Variants in PHYH observed in about 807,000 individuals in gnomAD.
PHYH encodes the protein phytanoyl-CoA 2-hydroxylase.
PHYH carries 32 observed loss-of-function variants against 38.5 expected under a neutral mutation model. The ratio of observed to expected loss-of-function variants is 0.83; its 90% CI spans 0.63 to 1.12. The LOEUF is 1.12. PHYH is among the 50% of genes most tolerant of loss of function. The probability of loss-of-function intolerance (pLI) is 0.00; values close to 1 mark genes in which losing one functional copy is unlikely to be tolerated. For missense variants in PHYH, 426 were observed against 434.8 expected, an observed-to-expected ratio of 0.98 and a Z score of 0.18; for synonymous variants, 166 against 157.9, an observed-to-expected ratio of 1.05 and a Z score of -0.38.
At chr10:13,294,372 C>T (rs1835785634) in intron 4 of PHYH, 56 bp downstream of exon 4, 2 of 1,552,736 alleles carry the variant, frequency 1.3e-6, no homozygotes, top group East Asian at 2.2e-5. Context: ...GCGGGTTTTA[C>T]AGGCAGACAT....
At position 13,297,885 on chromosome 10, in the gene PHYH, A is replaced by G. The variant is rs141902085; in HGVS notation, c.134+302T>C. The stretch of plus-strand genomic sequence containing the variant: ...CAAGGCAGGAGGATTGCTTTAGCCC[A>G]GGAGTTCAACACCAGCCTGGGCAAC... On this transcript the variant is annotated intron_variant, in intron 2 of 8. Coordinates refer to ENST00000263038, the MANE Select transcript of PHYH (RefSeq NM_006214.4). 0.057 allele frequency among the ~76,000 whole-genome samples: 8,622 copies of G among 151,898 alleles called. 460 individuals carry two copies. Among genetic ancestry groups the G allele is most frequent in the African/African-American group, 0.15 (6,217 of 41,446 alleles).
intron 4 of PHYH, 30 bp from the exon 5 acceptor site, chr10:13,291,942 A>T (rs1835723117): frequency 6.8e-7 from 1 of 1,480,040 alleles, no homozygotes; most frequent in African/African-American, 1.4e-5. Context: ...ACAAAAACAA[A>T]CCTTGTGGGA....
Position 13,295,934 on chromosome 10 carries a change from G to A in PHYH, c.135-328C>T, listed in dbSNP as rs140260591. 1.8e-3 allele frequency among the ~76,000 whole-genome samples: 272 copies of A among 152,264 alleles called. 1 individual carries two copies. In the East Asian group the frequency reaches 0.046, roughly 26 times the overall value. On this transcript the variant is annotated intron_variant, in intron 2 of 8. Coordinates refer to ENST00000263038, the MANE Select transcript of PHYH (RefSeq NM_006214.4). ...TATAATCCCAGCACTTTGGGAGGCC[G>A]AGGCAGGTGGATCGCCTGAGGTCAG...
At position 13,288,456 on chromosome 10, in the gene PHYH, C is replaced by G. The variant is rs753305530; in HGVS notation, c.582G>C (p.Thr194=). 2 of 1,614,188 alleles carry G rather than the reference C, an allele frequency of 1.2e-6. No homozygotes were observed. The highest frequency in any genetic ancestry group is 2.2e-5 in the South Asian group (2 of 91,080). The change falls in exon 6 of 9, where the codon ACG becomes ACC. Residue 194 remains threonine, a synonymous_variant. Transcript: ENST00000263038. The part of the protein sequence containing the change: ...RPSDLIVCAW[T]AMEHISRNNG... ...TGTTCCGGCTGATGTGCTCCATCGC[C>G]GTCCAGGCGCAAACGATGAGATCGC...
Position 13,281,117 on chromosome 10 carries a change from A to G in PHYH, c.829-7T>C. On this transcript the variant is annotated splice_polypyrimidine_tract_variant and splice_region_variant and intron_variant, in intron 7 of 8. Coordinates refer to ENST00000263038, the MANE Select transcript of PHYH (RefSeq NM_006214.4). ...CGAAATGGCAGGAAATTGCCTGTGC[A>G]AAGTGAACAAATTGATATTGGAGAA... The G allele has an allele frequency of 3.1e-6, 5 of 1,614,180 alleles. No homozygotes were observed. The highest frequency in any genetic ancestry group is 4.2e-6 in the Non-Finnish European group (5 of 1,179,996).
In PHYH at chr10:13,289,938, CAA is replaced by C. The variant is rs151163708; in HGVS notation, c.497-1399_497-1398del. Reference sequence around the variant, plus strand: ...TAGGCGACAGAGTGAGACTCTGTCTCAAAAAAAAAAAAAAAAGAAAAGAAAAA... The same window carrying C: ...TAGGCGACAGAGTGAGACTCTGTCTCAAAAAAAAAAAAAAGAAAAGAAAAA... On this transcript the variant is annotated intron_variant, in intron 5 of 8. Coordinates refer to ENST00000263038, the MANE Select transcript of PHYH (RefSeq NM_006214.4). Among the ~76,000 whole-genome samples the C allele has an allele frequency of 6.3e-4, 54 of 85,964 alleles. No homozygotes were observed. In the East Asian group the frequency reaches 7.4e-3, roughly 12 times the overall value. The allele number at this position is 85,964 out of a possible 152,430, so 56.4% of individuals were successfully genotyped here. A position where few individuals can be genotyped will look rare whatever the true frequency, so the allele number is the denominator to read the frequency against.
intron 4 of PHYH, among the ~76,000 whole-genome samples, chr10:13,293,952 C>G (rs1460024506): frequency 6.6e-6 from 1 of 151,994 alleles, no homozygotes; most frequent in Admixed American, 6.6e-5. Flanking sequence ...GCCTGTAATC[C>G]CAGCACTTTG....
chr10:13,298,060 C>T, intron 2 of PHYH, 127 bp downstream of exon 2: 2 of 682,076 alleles, frequency 2.9e-6, no homozygotes, highest in Non-Finnish European at 5.2e-6. Context: ...TAGAATAAGT[C>T]CTGGAAACAG....
At position 13,288,532 on chromosome 10, in the gene PHYH, G is replaced by A. The variant is rs1002598201; in HGVS notation, c.506C>T (p.Thr169Met). 9 of 1,613,870 alleles carry A rather than the reference G, an allele frequency of 5.6e-6. No individual in the cohort carries two copies. The highest frequency in any genetic ancestry group is 1.7e-4 in the Middle Eastern group (1 of 5,992). ...INKPPDSGKK[T>M]SRHPLHQDLH... ...GTCCTGGTGCAGGGGGTGACGGGAC[G>A]TCTTCTTGCCTGAAAAGAAAACCTG... The change falls in exon 6 of 9, where the codon ACG becomes ATG. Residue 169 changes from threonine to methionine, a missense_variant. Physicochemically the swap from Thr to Met is moderately conservative, Grantham distance 81 (BLOSUM62 -1). Transcript: ENST00000263038.
intron 4 of PHYH, among the ~76,000 whole-genome samples, chr10:13,292,933 C>CAA (rs57345841): frequency 1.8e-5 from 2 of 109,864 alleles, no homozygotes; most frequent in African/African-American, 7.0e-5. Context: ...GACTCTGTCT[C>CAA]AAAAAAAAAA....
intron 5 of PHYH, 84 bp downstream of exon 5, chr10:13,291,747 G>C: frequency 2.3e-6 from 2 of 886,004 alleles, no homozygotes; most frequent in Non-Finnish European, 3.8e-6. Flanking sequence ...CTAAAATGCT[G>C]GGATTACAGG....
intron 6 of PHYH, among the ~76,000 whole-genome samples, chr10:13,284,805 G>A (rs1292604396): frequency 2.6e-5 from 4 of 152,110 alleles, no homozygotes; most frequent in East Asian, 3.9e-4. Context: ...CAGGGTAAGG[G>A]AAGCAGCCCA....
At position 13,280,537 on chromosome 10, in the gene PHYH, A is replaced by G. The variant is rs139549278; in HGVS notation, c.963+439T>C. Among the ~76,000 whole-genome samples, 324 of 152,184 alleles carry G rather than the reference A, an allele frequency of 2.1e-3. 1 individual carries two copies. Among genetic ancestry groups the G allele is most frequent in the Non-Finnish European group, 3.1e-3 (213 of 68,006 alleles). ...TTTATTTCTTTTTTAGTAGAGATGGAGTCTCACTGTGTTTCTCAGGCTGGT... is the reference window on the plus strand; with the variant it reads ...TTTATTTCTTTTTTAGTAGAGATGGGGTCTCACTGTGTTTCTCAGGCTGGT... On this transcript the variant is annotated intron_variant, in intron 8 of 8. Coordinates refer to ENST00000263038, the MANE Select transcript of PHYH (RefSeq NM_006214.4).
At chr10:13,278,656 G>A (rs1835346910) in intron 8 of PHYH, among the ~76,000 whole-genome samples, 2 of 152,080 alleles carry the variant, frequency 1.3e-5, no homozygotes, top group Admixed American at 1.3e-4. Flanking sequence ...AGCCTCCCGA[G>A]TAGCTGGGAT....
At chr10:13,288,950 C>T (rs985783525) in intron 5 of PHYH, among the ~76,000 whole-genome samples, 4 of 108,472 alleles carry the variant, frequency 3.7e-5, no homozygotes, top group Non-Finnish European at 7.5e-5. Flanking sequence ...AAAAAAAAAG[C>T]TGGTCTCAGA....
intron 5 of PHYH, among the ~76,000 whole-genome samples, chr10:13,291,038 G>A (rs1157187254): frequency 2.0e-5 from 3 of 148,500 alleles, no homozygotes; most frequent in Admixed American, 1.4e-4. Context: ...TGGGAGGTGG[G>A]GGTTGCAGTG....
chr10:13,292,532 A>G (rs1376112038), intron 4 of PHYH, among the ~76,000 whole-genome samples: 3 of 152,200 alleles, frequency 2.0e-5, no homozygotes, highest in Admixed American at 6.5e-5. Flanking sequence ...AAAGGCTAAC[A>G]TGGGGAACCG....
chr10:13,293,102 G>C (rs1426727784), intron 4 of PHYH, among the ~76,000 whole-genome samples: 2 of 151,986 alleles, frequency 1.3e-5, no homozygotes, highest in Non-Finnish European at 2.9e-5. Context: ...TGAAACCCTG[G>C]AAAGGTTATT....
chr10:13,281,237 G>T, intron 7 of PHYH, 127 bp from the exon 8 acceptor site: 2 of 889,340 alleles, frequency 2.2e-6, no homozygotes, highest in Non-Finnish European at 3.6e-6. Context: ...GGAAAGTCAG[G>T]TCCATTGCAT....
Sources: allele counts gnomAD v4.1 joint callset (sites outside exome capture counted in the v4.1 genomes callset), GRCh38; gene constraint gnomAD v4.1.1; transcripts MANE v1.5; gene names NCBI Gene and HGNC (gene_info 2026-07-23, HGNC 2026-07-21).